ENAH: variants seen among roughly 807,000 people sequenced by gnomAD.
ENAH encodes ENAH actin regulator.
A neutral mutation model predicts 78.7 loss-of-function variants in ENAH; 23 were observed. The ratio of observed to expected loss-of-function variants is 0.29; its 90% CI spans 0.21 to 0.41. ENAH has a LOEUF of 0.41. Among genes scored for constraint, ENAH ranks in the 10% least tolerant of loss-of-function variants. The probability of loss-of-function intolerance (pLI) is 1.00; values close to 1 mark genes in which losing one functional copy is unlikely to be tolerated. For missense variants in ENAH, 544 were observed against 691.0 expected (o/e 0.79, Z 2.39); for synonymous variants, 226 against 241.0 (o/e 0.94, Z 0.58).
intron 1 of ENAH, among the ~76,000 whole-genome samples, chr1:225,618,780 G>C (rs1449860693): frequency 6.6e-6 from 1 of 152,042 alleles, no homozygotes; most frequent in East Asian, 1.9e-4. Flanking sequence ...CTTTATACCA[G>C]CAACTACCAG....
intron 4 of ENAH, among the ~76,000 whole-genome samples, chr1:225,523,517 A>T (rs1409607700): frequency 2.0e-5 from 3 of 152,122 alleles, no homozygotes; most frequent in African/African-American, 7.2e-5. Flanking sequence ...AGATGATTCA[A>T]GCAGGCAATT....
intron 1 of ENAH, among the ~76,000 whole-genome samples, chr1:225,597,280 T>C (rs534518784): frequency 9.9e-5 from 15 of 152,276 alleles, no homozygotes; most frequent in African/African-American, 2.4e-4. Context: ...AAATAAAATA[T>C]AACCTAAAGT....
chr1:225,619,653 G>C (rs552302588), intron 1 of ENAH, among the ~76,000 whole-genome samples: 1 of 152,176 alleles, frequency 6.6e-6, no homozygotes, highest in South Asian at 2.1e-4. Context: ...CAGAAACTTG[G>C]GATTAAGGAG....
intron 1 of ENAH, among the ~76,000 whole-genome samples, chr1:225,642,236 T>C (rs535345239): frequency 6.7e-6 from 1 of 149,174 alleles, no homozygotes; most frequent in East Asian, 2.0e-4. Context: ...AGAAGATACA[T>C]ATAGTAAAGT....
At chr1:225,617,363 A>G (rs903823603) in intron 1 of ENAH, among the ~76,000 whole-genome samples, 3 of 152,160 alleles carry the variant, frequency 2.0e-5, no homozygotes, top group Admixed American at 6.5e-5. Flanking sequence ...TTCATACCAC[A>G]AAAGACGTTC....
chr1:225,555,085 TA>T lies in ENAH; in HGVS notation c.172-3del. 2 of 1,513,346 alleles carry T rather than the reference TA, an allele frequency of 1.3e-6. No homozygotes were observed. Among genetic ancestry groups the T allele is most frequent in the Non-Finnish European group, 1.8e-6 (2 of 1,113,576 alleles). 93.7% of individuals were successfully genotyped at this position (1,513,346 alleles called of 1,614,324 possible). ...AGGAATGGCACAGTTTATCACGACC[TA>T]AAAAATAATAATTCTTTATAAAGTC... On this transcript the variant is annotated splice_region_variant and splice_polypyrimidine_tract_variant and intron_variant, in intron 2 of 13. Transcript: ENST00000366843.
intron 1 of ENAH, chr1:225,652,400 A>T: frequency 1.0e-6 from 1 of 985,288 alleles, no homozygotes; most frequent in South Asian, 4.7e-5. Flanking sequence ...TGGGGGAGGG[A>T]GCCAGGCGCA....
At chr1:225,642,499 G>A (rs1002309182) in intron 1 of ENAH, among the ~76,000 whole-genome samples, 6 of 152,132 alleles carry the variant, frequency 3.9e-5, no homozygotes, top group East Asian at 1.9e-4. Context: ...GAAAACACAC[G>A]AATGAGTCCA....
intron 1 of ENAH, among the ~76,000 whole-genome samples, chr1:225,621,249 T>C (rs1656838615): frequency 6.6e-6 from 1 of 152,044 alleles, no homozygotes; most frequent in Non-Finnish European, 1.5e-5. Context: ...CTTATCACCC[T>C]TCTGACTCAG....
At chr1:225,644,228 C>T (rs1403881811) in intron 1 of ENAH, among the ~76,000 whole-genome samples, 3 of 151,646 alleles carry the variant, frequency 2.0e-5, no homozygotes, top group Non-Finnish European at 4.4e-5. Context: ...AAAATCTGTA[C>T]TACTTTACAA....
intron 3 of ENAH, among the ~76,000 whole-genome samples, chr1:225,538,046 C>G (rs986210029): frequency 6.6e-6 from 1 of 152,068 alleles, no homozygotes; most frequent in Non-Finnish European, 1.5e-5. Context: ...TTGTTTCTTA[C>G]GATTAAATGA....
chr1:225,587,240 T>G (rs1263021461), intron 1 of ENAH, among the ~76,000 whole-genome samples: 1 of 152,016 alleles, frequency 6.6e-6, no homozygotes, highest in East Asian at 1.9e-4. Flanking sequence ...AAAGGGAAAA[T>G]AGCCTCTACT....
chr1:225,613,974 A>G (rs1184318551), intron 1 of ENAH, among the ~76,000 whole-genome samples: 5 of 152,224 alleles, frequency 3.3e-5, no homozygotes, highest in African/African-American at 7.2e-5. Context: ...CAGGGTTCCC[A>G]TAAGCTCTCC....
chr1:225,570,994 A>G (rs1011100359), intron 1 of ENAH, among the ~76,000 whole-genome samples: 5 of 152,166 alleles, frequency 3.3e-5, no homozygotes, highest in Admixed American at 1.3e-4. Context: ...TACACATAAC[A>G]TAACAAAACG....
intron 3 of ENAH, among the ~76,000 whole-genome samples, chr1:225,544,136 T>C (rs2096602276): frequency 6.6e-6 from 1 of 152,200 alleles, no homozygotes; most frequent in Non-Finnish European, 1.5e-5. Context: ...AGACAGACTA[T>C]TAAAGCCTCT....
intron 11 of ENAH, 26 bp downstream of exon 11, chr1:225,507,925 T>C (rs754641719): frequency 1.3e-6 from 2 of 1,490,314 alleles, no homozygotes; most frequent in South Asian, 2.6e-5. Flanking sequence ...AAATAAAATA[T>C]AAAACTTAGA....
intron 4 of ENAH, among the ~76,000 whole-genome samples, chr1:225,520,922 AAGGGAGGGAGGGAGGGAGGGAGGGAGGG>A (rs68163613): frequency 0.46 from 27,742 of 60,916 alleles, 5,374 homozygotes; most frequent in Middle Eastern, 0.59. Context: ...GGAAGGGAGG[AAGGGAGGGAGGGAGGGAGGGAGGGAGGG>A]AGGGAGGGAG....
chr1:225,599,749 T>C (rs560515157), intron 1 of ENAH, among the ~76,000 whole-genome samples: 7 of 145,800 alleles, frequency 4.8e-5, no homozygotes, highest in Non-Finnish European at 7.4e-5. Context: ...TGAGCCAAGA[T>C]TGCACCACTG....
intron 4 of ENAH, among the ~76,000 whole-genome samples, chr1:225,528,688 G>A (rs965469314): frequency 3.9e-5 from 6 of 152,010 alleles, no homozygotes; most frequent in East Asian, 1.9e-4. Context: ...TGAGATTTCC[G>A]GAAGACAGAA....
Sources: gnomAD v4.1 joint callset for allele counts (sites outside exome capture counted in the v4.1 genomes callset) on GRCh38, gnomAD v4.1.1 for gene constraint, MANE v1.5 for transcripts, NCBI Gene and HGNC (gene_info 2026-07-23, HGNC 2026-07-21) for gene names.